The following MARK1 variants were observed in gnomAD, a reference collection of about 807,000 sequenced individuals.
MARK1 encodes serine/threonine-protein kinase MARK1.
Under a neutral mutation model 96.3 loss-of-function variants are expected in MARK1, and 40 were observed. The ratio of observed to expected loss-of-function variants is 0.42; its 90% CI spans 0.32 to 0.54. MARK1 has a LOEUF of 0.54. Among genes scored for constraint, MARK1 ranks in the 20% least tolerant of loss-of-function variants. The pLI is 0.16. For missense variants in MARK1, 719 were observed against 984.6 expected (o/e 0.73, Z 3.61); for synonymous variants, 317 against 341.2 (o/e 0.93, Z 0.78).
In MARK1 at chr1:220,609,003, A is replaced by C. The variant is rs184868560; in HGVS notation, c.495+4866A>C. 1.1e-4 allele frequency among the ~76,000 whole-genome samples: 17 copies of C among 152,276 alleles called. No individual in the cohort carries two copies. The East Asian group carries it at 3.1e-3, about 28-fold the overall frequency. On this transcript the variant is annotated intron_variant, in intron 6 of 17. Transcript: ENST00000366917. ...ATGTGGACGGTTTTGGAATAAGTGCAAAGTGATGCTGAGAAGAATGTATAT... is the reference window on the plus strand; with the variant it reads ...ATGTGGACGGTTTTGGAATAAGTGCCAAGTGATGCTGAGAAGAATGTATAT...
chr1:220,558,726 T>G (rs1015811778), intron 1 of MARK1, among the ~76,000 whole-genome samples: 7 of 151,812 alleles, frequency 4.6e-5, no homozygotes, highest in Admixed American at 4.6e-4. Flanking sequence ...ATAAAAGAAA[T>G]GGGCAAATAG....
At position 220,663,833 on chromosome 1, in the gene MARK1, A is replaced by G. The variant is rs766747788; in HGVS notation, c.*1667A>G. On this transcript the variant is annotated 3_prime_UTR_variant, in exon 18 of 18. Coordinates refer to ENST00000366917, the MANE Select transcript of MARK1 (RefSeq NM_018650.5). ...CCCCTTTTTAACCTAGTGTTCATTC[A>G]AAAAAAAATTGATGCAAATCTTTAT... The G allele has an allele frequency of 2.7e-4, 40 of 146,588 alleles. No individual in the cohort carries two copies. Among genetic ancestry groups the G allele is most frequent in the Non-Finnish European group, 4.9e-4 (32 of 65,330 alleles). The allele number at this position is 146,588 out of a possible 1,614,324, so 9.1% of individuals were successfully genotyped here.
intron 1 of MARK1, among the ~76,000 whole-genome samples, chr1:220,570,866 T>C (rs916024065): frequency 1.3e-5 from 2 of 152,180 alleles, no homozygotes; most frequent in African/African-American, 4.8e-5. Flanking sequence ...CAGGAACATA[T>C]GGTACAATTT....
chr1:220,638,415 C>G (rs775003277), intron 13 of MARK1, among the ~76,000 whole-genome samples: 1 of 152,128 alleles, frequency 6.6e-6, no homozygotes, highest in Non-Finnish European at 1.5e-5. Context: ...TGGCCAAATA[C>G]TCCAAAACCC....
At chr1:220,648,210 G>T (rs977876933) in intron 13 of MARK1, among the ~76,000 whole-genome samples, 1 of 152,018 alleles carries the variant, frequency 6.6e-6, no homozygotes, top group East Asian at 1.9e-4. Flanking sequence ...TCACTTTACT[G>T]TGAAAGAACC....
chr1:220,533,845 G>A lies in MARK1; in HGVS notation c.51+4972G>A, dbSNP rs73101867. 2.9e-3 allele frequency among the ~76,000 whole-genome samples: 445 copies of A among 152,164 alleles called. 5 individuals carry two copies. The highest frequency in any genetic ancestry group is 0.01 in the African/African-American group (419 of 41,516). On this transcript the variant is annotated intron_variant, in intron 1 of 17. Coordinates refer to ENST00000366917, the MANE Select transcript of MARK1 (RefSeq NM_018650.5). Reference sequence around the variant, plus strand: ...TTTCTGGCACTCTGGTTAGATGTGCGAAAATTTATCATTCTATCCTTCATG... The same window carrying A: ...TTTCTGGCACTCTGGTTAGATGTGCAAAAATTTATCATTCTATCCTTCATG...
chr1:220,631,934 C>G (rs1331508863), intron 10 of MARK1, among the ~76,000 whole-genome samples: 1 of 152,072 alleles, frequency 6.6e-6, no homozygotes, highest in African/African-American at 2.4e-5. Context: ...AAAGTTAGCT[C>G]AGGAATGTAT....
In MARK1 at chr1:220,662,589, C is replaced by T. The variant is rs1322067351; in HGVS notation, c.*423C>T. 6.2e-6 allele frequency: 1 copy of T among 160,750 alleles called. No individual in the cohort carries two copies. The highest frequency in any genetic ancestry group is 1.8e-4 in the East Asian group (1 of 5,656). 10.0% of individuals were successfully genotyped at this position (160,750 alleles called of 1,614,324 possible). On this transcript the variant is annotated 3_prime_UTR_variant, in exon 18 of 18. Coordinates refer to ENST00000366917, the MANE Select transcript of MARK1 (RefSeq NM_018650.5). ...CATCATGCAATTTTGAAAATTGTGT[C>T]CAGAATTAAAAGTGCATAGAAATAG... is the stretch of plus-strand genomic sequence containing the variant.
intron 1 of MARK1, among the ~76,000 whole-genome samples, chr1:220,529,430 G>GT (rs1303507919): frequency 6.6e-6 from 1 of 152,196 alleles, no homozygotes; most frequent in African/African-American, 2.4e-5. Context: ...GCGTGTTTGT[G>GT]TATGAGTTTA....
chr1:220,606,437 T>C (rs1447907151), intron 6 of MARK1, among the ~76,000 whole-genome samples: 1 of 152,224 alleles, frequency 6.6e-6, no homozygotes, highest in Admixed American at 6.5e-5. Context: ...CTTTGTCAGA[T>C]GGGTAGATTG....
intron 1 of MARK1, among the ~76,000 whole-genome samples, chr1:220,562,329 G>A (rs939577825): frequency 5.3e-5 from 8 of 152,250 alleles, no homozygotes; most frequent in South Asian, 4.2e-4. Flanking sequence ...ATTTGCCTTA[G>A]TGTGGTGGCA....
intron 3 of MARK1, among the ~76,000 whole-genome samples, chr1:220,589,357 G>A (rs1664840217): frequency 6.6e-6 from 1 of 152,178 alleles, no homozygotes; most frequent in Non-Finnish European, 1.5e-5. Context: ...GAATGGAAGA[G>A]ATAGGAAGGA....
chr1:220,559,013 A>C (rs1400808797), intron 1 of MARK1, among the ~76,000 whole-genome samples: 1 of 152,256 alleles, frequency 6.6e-6, no homozygotes, highest in Non-Finnish European at 1.5e-5. Flanking sequence ...CAGTTTTGCA[A>C]CCTAAAATAG....
chr1:220,615,465 G>A (rs892292733), intron 6 of MARK1, among the ~76,000 whole-genome samples: 3 of 152,060 alleles, frequency 2.0e-5, no homozygotes, highest in Non-Finnish European at 2.9e-5. Context: ...TCATTGTTAA[G>A]TTCTTAGTGA....
Position 220,635,985 on chromosome 1 carries a change from C to A in MARK1, c.1429C>A (p.Leu477Ile). ...AAAAAGCGAGATGACTGCAAGCCCT[C>A]TTGTAGGGCCAGAGAGGAAAAAATC... ...GSKSEMTASP[L>I]VGPERKKSST... The change falls in exon 13 of 18, where the codon CTT (leucine) becomes ATT (isoleucine). Residue 477 changes from leucine to isoleucine, a missense_variant. Physicochemically the swap from Leu to Ile is conservative, Grantham distance 5. Coordinates refer to ENST00000366917, the MANE Select transcript of MARK1 (RefSeq NM_018650.5). The A allele has an allele frequency of 6.2e-7, 1 of 1,613,160 alleles. No individual in the cohort carries two copies. Among genetic ancestry groups the A allele is most frequent in the Non-Finnish European group, 8.5e-7 (1 of 1,179,636 alleles).
At chr1:220,657,424 C>A (rs569917190) in intron 16 of MARK1, among the ~76,000 whole-genome samples, 68 of 152,230 alleles carry the variant, frequency 4.5e-4, no homozygotes, top group African/African-American at 1.6e-3. Flanking sequence ...TACATAATTA[C>A]AAATTTGAAG....
chr1:220,533,027 A>G lies in MARK1; in HGVS notation c.51+4154A>G, dbSNP rs540986757. Among the ~76,000 whole-genome samples, 7 of 151,638 alleles carry G rather than the reference A, an allele frequency of 4.6e-5. 1 individual carries two copies. The South Asian group carries it at 1.5e-3, about 32-fold the overall frequency. ...CCCTTTTTTTTAAAAAAAAAAATAG[A>G]TTTTAGAAGAGCATATGAAATGGTA... On this transcript the variant is annotated intron_variant, in intron 1 of 17. Coordinates refer to ENST00000366917, the MANE Select transcript of MARK1 (RefSeq NM_018650.5).
chr1:220,627,457 C>A (rs1225964895), intron 9 of MARK1: 2 of 451,544 alleles, frequency 4.4e-6, no homozygotes, highest in African/African-American at 4.1e-5. Flanking sequence ...GAGCAGACCT[C>A]TCCAGCTCTG....
chr1:220,605,317 C>T (rs984666069), intron 6 of MARK1, among the ~76,000 whole-genome samples: 4 of 151,870 alleles, frequency 2.6e-5, no homozygotes, highest in South Asian at 2.1e-4. Flanking sequence ...TAGAAATATT[C>T]GTGTTAAAAT....
Sources: gnomAD v4.1 joint callset for allele counts (sites outside exome capture counted in the v4.1 genomes callset) on GRCh38, gnomAD v4.1.1 for gene constraint, MANE v1.5 for transcripts, NCBI Gene and HGNC (gene_info 2026-07-23, HGNC 2026-07-21) for gene names.